The following TDRD9 variants were observed in gnomAD, a reference collection of about 807,000 sequenced individuals.
TDRD9 encodes the protein tudor domain containing 9, also known as ATP-dependent RNA helicase TDRD9.
Under a neutral mutation model 172.6 loss-of-function variants are expected in TDRD9, and 124 were observed. That is an observed-to-expected ratio of 0.72 (90% CI 0.62 to 0.83). The LOEUF is 0.83. Ranked by LOEUF, TDRD9 falls within the 40% of genes least tolerant of loss-of-function variation. The pLI is 0.00. For synonymous variants in TDRD9, 619 were observed against 617.1 expected, an observed-to-expected ratio of 1.00 and a Z score of -0.05; for missense variants, 1,479 against 1,714.1, an observed-to-expected ratio of 0.86 and a Z score of 2.42.
intron 7 of TDRD9, among the ~76,000 whole-genome samples, chr14:103,977,630 C>CTTTTT (rs766681794): frequency 6.1e-5 from 7 of 114,422 alleles, no homozygotes; most frequent in Non-Finnish European, 1.3e-4. Context: ...TGATTTCTTT[C>CTTTTT]TTTTTTTTTT....
At chr14:104,000,986 CCTT>C (rs2034242062) in intron 13 of TDRD9, among the ~76,000 whole-genome samples, 1 of 152,136 alleles carries the variant, frequency 6.6e-6, no homozygotes, top group Non-Finnish European at 1.5e-5. Flanking sequence ...TCCTTTGAAT[CCTT>C]CTCTTATCTT....
intron 3 of TDRD9, among the ~76,000 whole-genome samples, chr14:103,964,928 T>A (rs1451152354): frequency 6.6e-6 from 1 of 152,144 alleles, no homozygotes; most frequent in Non-Finnish European, 1.5e-5. Context: ...TTAATAACTT[T>A]AAGCAATTTG....
intron 1 of TDRD9, among the ~76,000 whole-genome samples, chr14:103,955,112 T>C (rs2032132333): frequency 6.6e-6 from 1 of 150,984 alleles, no homozygotes; most frequent in Non-Finnish European, 1.5e-5. Flanking sequence ...TTTATAGAGA[T>C]GGGGTTTCAC....
intron 31 of TDRD9, 88 bp from the exon 32 acceptor site, chr14:104,034,872 T>G: frequency 1.0e-6 from 1 of 963,474 alleles, no homozygotes; most frequent in South Asian, 1.5e-5. Context: ...AGGGGATACC[T>G]GCAGATGAGT....
chr14:103,955,273 G>A (rs1452718405), intron 1 of TDRD9, among the ~76,000 whole-genome samples: 1 of 152,136 alleles, frequency 6.6e-6, no homozygotes, highest in Non-Finnish European at 1.5e-5. Flanking sequence ...GGTTGAGGTG[G>A]GAGGATTGCT....
At chr14:103,932,186 A>C in intron 1 of TDRD9, among the ~76,000 whole-genome samples, 1 of 152,156 alleles carries the variant, frequency 6.6e-6, no homozygotes, top group East Asian at 1.9e-4. Flanking sequence ...TGTTTTTGCG[A>C]TTTGTTGAGG....
At chr14:104,006,330 A>G (rs2034435499) in intron 15 of TDRD9, 59 bp from the exon 16 acceptor site, 3 of 1,448,638 alleles carry the variant, frequency 2.1e-6, no homozygotes, top group South Asian at 1.2e-5. Flanking sequence ...CTCCACCTTA[A>G]GGGGAAGAAG....
intron 2 of TDRD9, among the ~76,000 whole-genome samples, chr14:103,960,666 T>C (rs1416146117): frequency 2.6e-5 from 4 of 152,260 alleles, no homozygotes; most frequent in Non-Finnish European, 5.9e-5. Context: ...GAGGCAGGAC[T>C]TGATTTGTGC....
At chr14:104,025,142 C>T (rs113343758) in intron 25 of TDRD9, among the ~76,000 whole-genome samples, 3,406 of 152,204 alleles carry the variant, frequency 0.022, 70 homozygotes, top group East Asian at 0.072. Context: ...CCACCATGCC[C>T]GGGTAATTTT....
Position 104,006,638 on chromosome 14 carries a change from A to T in TDRD9, c.1880-8A>T, listed in dbSNP as rs368134009. 5 of 1,613,650 alleles carry T rather than the reference A, an allele frequency of 3.1e-6. No homozygotes were observed. The highest frequency in any genetic ancestry group is 2.2e-5 in the East Asian group (1 of 44,868). ...CTTACATTCTTCTTGTTTATTTTTTATGGTTAGCGGCAGCTCTTTCTTTGA... is the reference window on the plus strand; with the variant it reads ...CTTACATTCTTCTTGTTTATTTTTTTTGGTTAGCGGCAGCTCTTTCTTTGA... On this transcript the variant is annotated splice_region_variant and splice_polypyrimidine_tract_variant and intron_variant, in intron 16 of 35. Transcript: ENST00000409874.
In TDRD9 at chr14:104,032,031, G is replaced by A. The variant is rs1409507835; in HGVS notation, c.3453G>A (p.Gly1151=). The A allele has an allele frequency of 1.3e-6, 2 of 1,548,068 alleles. No individual in the cohort carries two copies. The highest frequency in any genetic ancestry group is 1.4e-5 in the African/African-American group (1 of 72,944). Residue 1151 remains glycine (G), a synonymous_variant, in exon 30 of 36, where the codon GGG becomes GGA. Transcript: ENST00000409874. ...TGTGCACGCAGGCAGAACTTCACGGGCCTTTTAACCCTTATGAACTAAAGT... is the reference window on the plus strand; with the variant it reads ...TGTGCACGCAGGCAGAACTTCACGGACCTTTTAACCCTTATGAACTAAAGT... ...GTPNCKAELH[G]PFNPYELKCH...
intron 13 of TDRD9, among the ~76,000 whole-genome samples, chr14:104,002,847 C>T (rs985359994): frequency 6.6e-6 from 1 of 151,770 alleles, no homozygotes; most frequent in Non-Finnish European, 1.5e-5. Flanking sequence ...TTCTCTGCTT[C>T]AGCCTCCCAG....
chr14:104,006,227 T>C (rs2034433388), intron 15 of TDRD9, among the ~76,000 whole-genome samples, 162 bp from the exon 16 acceptor site: 1 of 152,226 alleles, frequency 6.6e-6, no homozygotes, highest in African/African-American at 2.4e-5. Context: ...AAGGGAAAAT[T>C]TAAAAAGTTT....
At chr14:103,947,705 C>T (rs542073902) in intron 1 of TDRD9, among the ~76,000 whole-genome samples, 16 of 152,266 alleles carry the variant, frequency 1.1e-4, no homozygotes, top group Non-Finnish European at 2.1e-4. Flanking sequence ...TACTACTTTA[C>T]ACCATATACA....
At chr14:103,947,755 C>G (rs1394670462) in intron 1 of TDRD9, among the ~76,000 whole-genome samples, 1 of 152,086 alleles carries the variant, frequency 6.6e-6, no homozygotes, top group African/African-American at 2.4e-5. Context: ...AAAGTAAGAC[C>G]TAAAACTGCA....
At chr14:104,028,422 T>C (rs1420258232) in intron 28 of TDRD9, among the ~76,000 whole-genome samples, 1 of 152,238 alleles carries the variant, frequency 6.6e-6, no homozygotes, top group Non-Finnish European at 1.5e-5. Context: ...TGGTTTTGAT[T>C]TGAATTTCCC....
rs148096739 is a variant in TDRD9, at chr14:103,965,168, C to T, written c.421-165C>T. ...CAGAGGTTGCAGTGAGCCGAGATTG[C>T]GCCCCTGCACTCCAGGCTGGGCAAC... On this transcript the variant is annotated intron_variant, in intron 3 of 35. Transcript: ENST00000409874. Among the ~76,000 whole-genome samples, 1,375 of 152,076 alleles carry T rather than the reference C, an allele frequency of 9.0e-3. 7 individuals are homozygous for T. Among genetic ancestry groups the T allele is most frequent in the Non-Finnish European group, 0.014 (952 of 68,004 alleles).
At chr14:104,018,058 G>A (rs1290443647) in intron 22 of TDRD9, 34 bp from the exon 23 acceptor site, 4 of 1,288,704 alleles carry the variant, frequency 3.1e-6, no homozygotes, top group Non-Finnish European at 4.4e-6. Context: ...GTTAGCTCTA[G>A]TAATCTGCTC....
In TDRD9 at chr14:104,005,326, AGCCGAGAGCTCTGCTGGCCACT is replaced by A; in HGVS notation, c.1638_1659del (p.Arg547PhefsTer6). ...AAAGTGAAATTACTTGACATGGGTG[AGCCGAGAGCTCTGCTGGCCACT>A]GCCCTTTCCCCGCCTGGTCTGAGTG... On this transcript the variant is annotated frameshift_variant, in exon 15 of 36. Coordinates refer to ENST00000409874, the MANE Select transcript of TDRD9 (RefSeq NM_153046.3). LOFTEE classifies it high-confidence loss of function. 2 of 1,613,948 alleles carry A rather than the reference AGCCGAGAGCTCTGCTGGCCACT, an allele frequency of 1.2e-6. No homozygotes were observed. The highest frequency in any genetic ancestry group is 1.7e-6 in the Non-Finnish European group (2 of 1,179,872).
Sources: gnomAD v4.1 joint callset for allele counts (sites outside exome capture counted in the v4.1 genomes callset) on GRCh38, gnomAD v4.1.1 for gene constraint, MANE v1.5 for transcripts, NCBI Gene and HGNC (gene_info 2026-07-23, HGNC 2026-07-21) for gene names.